The following KIF1A variants were observed in gnomAD, a reference collection of about 807,000 sequenced individuals.
KIF1A encodes the protein kinesin-like protein KIF1A.
In KIF1A, 46 loss-of-function variants were observed where a neutral mutation model predicts 227.3. That is an observed-to-expected ratio of 0.20 (90% CI 0.16 to 0.26). The LOEUF is 0.26. Among genes scored for constraint, KIF1A ranks in the 10% least tolerant of loss-of-function variants. The probability of loss-of-function intolerance (pLI) is 1.00; values close to 1 mark genes in which losing one functional copy is unlikely to be tolerated. For missense variants in KIF1A, 1,683 were observed against 2,485.9 expected (o/e 0.68, Z 6.87); for synonymous variants, 1,022 against 1,012.8 (o/e 1.01, Z -0.17).
chr2:240,771,629 A>G (rs2052005924), intron 14 of KIF1A, among the ~76,000 whole-genome samples: 1 of 151,548 alleles, frequency 6.6e-6, no homozygotes, highest in African/African-American at 2.4e-5. Context: ...CCCCGTGCAG[A>G]CCCCCACGCT....
chr2:240,737,225 G>T, intron 37 of KIF1A, 57 bp from the exon 38 acceptor site: 1 of 1,426,132 alleles, frequency 7.0e-7, no homozygotes, highest in South Asian at 1.1e-5. Context: ...GGGACCCTGG[G>T]GGGCTGCCTC....
intron 46 of KIF1A, among the ~76,000 whole-genome samples, chr2:240,719,560 G>A (rs2045019026): frequency 6.6e-6 from 1 of 152,220 alleles, no homozygotes; most frequent in Admixed American, 6.5e-5. Flanking sequence ...TAGGCATGTG[G>A]GTCACAGGGC....
At chr2:240,728,541 C>G in intron 38 of KIF1A, 1 of 536,894 alleles carries the variant, frequency 1.9e-6, no homozygotes, top group South Asian at 1.6e-5. Context: ...GATCTCACGG[C>G]CCCCAGGCTC....
intron 42 of KIF1A, among the ~76,000 whole-genome samples, 178 bp downstream of exon 42, chr2:240,723,235 C>T (rs904857734): frequency 1.3e-5 from 2 of 152,234 alleles, no homozygotes; most frequent in South Asian, 2.1e-4. Context: ...TCATACACCA[C>T]GCAGCCCCGC....
At chr2:240,776,130 G>T (rs1293862517) in intron 10 of KIF1A, among the ~76,000 whole-genome samples, 1 of 152,174 alleles carries the variant, frequency 6.6e-6, no homozygotes, top group African/African-American at 2.4e-5. Context: ...CCTCCTCTAG[G>T]CCACAGTCAG....
chr2:240,816,212 ATGTG>A (rs1271223609), intron 1 of KIF1A, among the ~76,000 whole-genome samples: 3 of 151,592 alleles, frequency 2.0e-5, no homozygotes, highest in Admixed American at 2.0e-4. Flanking sequence ...GTGCATAAGC[ATGTG>A]TGTATGTGTG....
intron 17 of KIF1A, 61 bp from the exon 18 acceptor site, chr2:240,767,406 A>C (rs1575596099): frequency 7.3e-7 from 1 of 1,371,320 alleles, no homozygotes; most frequent in East Asian, 2.4e-5. Context: ...TGCTGGCCAC[A>C]CCCCCCTCCA....
intron 5 of KIF1A, 89 bp downstream of exon 5, chr2:240,787,161 TG>T: frequency 1.9e-6 from 2 of 1,055,250 alleles, no homozygotes; most frequent in Non-Finnish European, 2.9e-6. Context: ...AGACCCGTGG[TG>T]GGCACTCACT....
chr2:240,746,154 C>G lies in KIF1A; in HGVS notation c.3087G>C (p.Val1029=), dbSNP rs2125793925. The G allele has an allele frequency of 6.4e-7, 1 of 1,566,326 alleles. No individual in the cohort carries two copies. ...AGGTTCCCGAGCGGGACATCCCCAC[C>G]ACGGGGCAAGACTCGGACTGGAACT... ...FEKFQSESCP[V]VGMSRSGTSQ... Residue 1029 remains valine, a synonymous_variant, in exon 30 of 49, where the codon GTG becomes GTC. Transcript: ENST00000498729.
chr2:240,779,912 C>T (rs1053120178), intron 10 of KIF1A, among the ~76,000 whole-genome samples: 11 of 152,202 alleles, frequency 7.2e-5, no homozygotes, highest in African/African-American at 1.7e-4. Context: ...GGCCTCCCCA[C>T]GCCCCACGGT....
intron 1 of KIF1A, among the ~76,000 whole-genome samples, chr2:240,807,118 GTGTGTGTGTGTGTA>G (rs1249403242): frequency 5.2e-5 from 7 of 135,644 alleles, no homozygotes; most frequent in Non-Finnish European, 6.2e-5. Context: ...GTGTGTGTGT[GTGTGTGTGTGTGTA>G]TATATATATA....
intron 5 of KIF1A, among the ~76,000 whole-genome samples, chr2:240,786,724 G>A (rs1184049532): frequency 6.7e-6 from 1 of 148,410 alleles, no homozygotes; most frequent in South Asian, 2.1e-4. Context: ...CTGAGTGAGG[G>A]GGTGGGGGCT....
chr2:240,736,978 G>T lies in KIF1A; in HGVS notation c.4007+85C>A. The T allele has an allele frequency of 1.8e-6, 2 of 1,124,370 alleles. No homozygotes were observed. The highest frequency in any genetic ancestry group is 3.4e-5 in the Admixed American group (2 of 58,480). 69.6% of individuals were successfully genotyped at this position (1,124,370 alleles called of 1,614,324 possible). On this transcript the variant is annotated intron_variant, in intron 38 of 48. Coordinates refer to ENST00000498729, the MANE Select transcript of KIF1A (RefSeq NM_001244008.2). This position sits in a 1 kb window ranked among gnomAD's most constrained non-coding sequence, Gnocchi z 4.7. Reference sequence around the variant, plus strand: ...GAGCGTTGAGCGGGTCACCTTGTGTGGCTGAACCCTGTGCCGGGTTGGCTG... The same window carrying T: ...GAGCGTTGAGCGGGTCACCTTGTGTTGCTGAACCCTGTGCCGGGTTGGCTG...
intron 10 of KIF1A, 115 bp downstream of exon 10, chr2:240,782,475 C>G: frequency 1.7e-6 from 2 of 1,161,474 alleles, no homozygotes; most frequent in Middle Eastern, 2.5e-4. Context: ...CCCCACGTCC[C>G]CCATCTCCCA....
chr2:240,792,376 C>T lies in KIF1A; in HGVS notation c.107-3064G>A, dbSNP rs1035019501. 5.3e-5 allele frequency among the ~76,000 whole-genome samples: 8 copies of T among 152,020 alleles called. No homozygotes were observed. Among genetic ancestry groups the T allele is most frequent in the Admixed American group, 6.5e-5 (1 of 15,276 alleles). On this transcript the variant is annotated intron_variant, in intron 2 of 48. Transcript: ENST00000498729. This position sits in a 1 kb window ranked among gnomAD's most constrained non-coding sequence, Gnocchi z 4.5. The stretch of plus-strand genomic sequence containing the variant: ...GGCTCCTCAGCCAGCCCCTTTAGGG[C>T]CCCCATCCCCTCCCACCCCAGGCTC...
intron 24 of KIF1A, 123 bp from the exon 25 acceptor site, chr2:240,760,966 C>A: frequency 1.9e-6 from 2 of 1,051,712 alleles, no homozygotes; most frequent in Middle Eastern, 2.3e-4. Context: ...TTCACTGGAA[C>A]CTTTCAGACA....
chr2:240,769,491 G>A, intron 16 of KIF1A, 136 bp downstream of exon 16: 1 of 715,172 alleles, frequency 1.4e-6, no homozygotes, highest in Non-Finnish European at 2.3e-6. Flanking sequence ...GAACAGGTTT[G>A]CCCTGGGCTG....
intron 33 of KIF1A, among the ~76,000 whole-genome samples, chr2:240,743,202 C>G (rs1437675164): frequency 6.6e-6 from 1 of 152,178 alleles, no homozygotes; most frequent in Non-Finnish European, 1.5e-5. Context: ...GGGTCAAGCT[C>G]TGGCTCCCAG....
chr2:240,733,046 G>A (rs1049686778), intron 38 of KIF1A, among the ~76,000 whole-genome samples: 1 of 138,748 alleles, frequency 7.2e-6, no homozygotes, highest in African/African-American at 2.6e-5. Context: ...AATGAGGGGG[G>A]GATGAGAGGG....
Sources: allele counts gnomAD v4.1 joint callset (sites outside exome capture counted in the v4.1 genomes callset), GRCh38; gene constraint gnomAD v4.1.1; non-coding constraint Gnocchi (gnomAD v3.1); transcripts MANE v1.5; gene names NCBI Gene and HGNC (gene_info 2026-07-23, HGNC 2026-07-21).